HDAC4: variants seen among roughly 807,000 people sequenced by gnomAD.
HDAC4 encodes the protein histone deacetylase A.
In HDAC4, 16 loss-of-function variants were observed where a neutral mutation model predicts 135.1. The ratio of observed to expected loss-of-function variants is 0.12; its 90% CI spans 0.08 to 0.18. HDAC4 has a LOEUF of 0.18. Ranked by LOEUF, HDAC4 falls within the 10% of genes least tolerant of loss-of-function variation. The pLI, the probability that HDAC4 is intolerant of heterozygous loss-of-function variation, is 1.00. For synonymous variants in HDAC4, 685 were observed against 653.4 expected (o/e 1.05, Z -0.74); for missense variants, 1,143 against 1,511.8 (o/e 0.76, Z 4.05).
intron 1 of HDAC4, among the ~76,000 whole-genome samples, chr2:239,391,996 T>C (rs1696252568): frequency 6.6e-6 from 1 of 152,220 alleles, no homozygotes; most frequent in African/African-American, 2.4e-5. Context: ...ACATGGTTGG[T>C]TGTGAACTCC....
chr2:239,096,370 A>ACCG (rs2037042691), intron 16 of HDAC4, among the ~76,000 whole-genome samples: 1 of 80,558 alleles, frequency 1.2e-5, no homozygotes. Context: ...GATGCCTGCA[A>ACCG]CCCCCCCCGA....
At chr2:239,062,982 C>T (rs1366366557) in intron 24 of HDAC4, among the ~76,000 whole-genome samples, 4 of 152,082 alleles carry the variant, frequency 2.6e-5, no homozygotes, top group Non-Finnish European at 4.4e-5. Context: ...CTCCCCTTGG[C>T]GATGCAAGGT....
chr2:239,335,734 T>A (rs1691895893), intron 2 of HDAC4, among the ~76,000 whole-genome samples: 1 of 152,188 alleles, frequency 6.6e-6, no homozygotes, highest in African/African-American at 2.4e-5. Context: ...TATTCAACAT[T>A]TTTAGTAATC....
Position 239,115,115 on chromosome 2 carries a change from G to A in HDAC4, c.1729C>T (p.Pro577Ser), listed in dbSNP as rs2152809416. The change falls in exon 13 of 27, where the codon CCC (proline) becomes TCC (serine). Residue 577 changes from proline to serine, a missense_variant. Around this residue, in one of 9 missense-constraint regions of HDAC4, gnomAD observed 196 missense variants for 210.7 expected, o/e 0.93. Coordinates refer to ENST00000543185, the MANE Select transcript of HDAC4 (RefSeq NM_001378414.1). This position sits in a 1 kb window ranked among gnomAD's most constrained non-coding sequence, Gnocchi z 6.3. ...PIESDEEEAE[P>S]PREVEPGQRQ... ...TGGCCCGGCTCCACCTCCCGTGGGG[G>A]CTCTGCCTCTTCCTCATCGCTCTCA... 1 of 1,611,834 alleles carries A rather than the reference G, an allele frequency of 6.2e-7. No homozygotes were observed.
chr2:239,166,220 G>A (rs759183954), intron 5 of HDAC4, among the ~76,000 whole-genome samples: 2 of 152,116 alleles, frequency 1.3e-5, no homozygotes, highest in Non-Finnish European at 2.9e-5. Context: ...GCAATGAGAC[G>A]CCTGGAAACA....
At chr2:239,066,918 A>G (rs2033568492) in intron 23 of HDAC4, 63 bp from the exon 24 acceptor site, 5 of 1,575,986 alleles carry the variant, frequency 3.2e-6, no homozygotes, top group Non-Finnish European at 4.3e-6. Context: ...CACAGCCCAG[A>G]AACGCGTCTC....
At chr2:239,208,274 CCGAGATCGCGCCA>C (rs1168949162) in intron 3 of HDAC4, among the ~76,000 whole-genome samples, 1 of 142,874 alleles carries the variant, frequency 7.0e-6, no homozygotes, top group Non-Finnish European at 1.5e-5. Flanking sequence ...CTGCAGTGAG[CCGAGATCGCGCCA>C]CTGCACTCCA....
At chr2:239,096,878 G>C (rs1044405302) in intron 16 of HDAC4, among the ~76,000 whole-genome samples, 6 of 152,152 alleles carry the variant, frequency 3.9e-5, no homozygotes, top group Non-Finnish European at 8.8e-5. Flanking sequence ...ATCAAGGCCG[G>C]AGGCTTGTAG....
At chr2:239,373,117 G>A (rs752901322) in intron 1 of HDAC4, among the ~76,000 whole-genome samples, 2 of 152,144 alleles carry the variant, frequency 1.3e-5, no homozygotes, top group Non-Finnish European at 2.9e-5. Flanking sequence ...CCCTGGGAGT[G>A]GGGGCTGAGT....
At chr2:239,119,144 A>G (rs1012695818) in intron 12 of HDAC4, among the ~76,000 whole-genome samples, 6 of 152,166 alleles carry the variant, frequency 3.9e-5, no homozygotes, top group Admixed American at 3.3e-4. Flanking sequence ...GTGCAGTCTG[A>G]TGTGTAACGG....
intron 2 of HDAC4, chr2:239,298,550 G>A (rs1050122391): frequency 2.0e-6 from 2 of 1,022,770 alleles, no homozygotes; most frequent in African/African-American, 1.7e-5. Context: ...AGCCACTGGG[G>A]ATGCAGGTGC....
intron 2 of HDAC4, among the ~76,000 whole-genome samples, chr2:239,274,229 T>C (rs185429335): frequency 5.3e-5 from 8 of 152,336 alleles, no homozygotes; most frequent in African/African-American, 1.9e-4. Context: ...TTATTATTTG[T>C]TGCAAACATA....
chr2:239,124,672 CGGCGTGTGGCCGCGTT>C (rs2039997438), intron 12 of HDAC4, among the ~76,000 whole-genome samples: 5 of 149,634 alleles, frequency 3.3e-5, no homozygotes, highest in East Asian at 2.0e-4. Context: ...TCCGGTGTGC[CGGCGTGTGGCCGCGTT>C]ATATGACATT....
intron 1 of HDAC4, among the ~76,000 whole-genome samples, chr2:239,374,142 G>A (rs567700434): frequency 1.3e-5 from 2 of 152,324 alleles, no homozygotes; most frequent in East Asian, 1.9e-4. Flanking sequence ...AAGCAGAGGC[G>A]ATCAGGCAGC....
Position 239,099,838 on chromosome 2 carries a change from C to T in HDAC4, c.2233+2938G>A, listed in dbSNP as rs150988417. On this transcript the variant is annotated intron_variant, in intron 16 of 26. Coordinates refer to ENST00000543185, the MANE Select transcript of HDAC4 (RefSeq NM_001378414.1). ...CTCTCACAGACCACCCAGTAGAGGCCGGCCTCCATGATGGGCCTCCCAATG... is the reference window on the plus strand; with the variant it reads ...CTCTCACAGACCACCCAGTAGAGGCTGGCCTCCATGATGGGCCTCCCAATG... Among the ~76,000 whole-genome samples, 834 of 152,366 alleles carry T rather than the reference C, an allele frequency of 5.5e-3. 9 individuals are homozygous for T. Among genetic ancestry groups the T allele is most frequent in the African/African-American group, 0.019 (782 of 41,590 alleles).
At chr2:239,373,493 G>T (rs1274547999) in intron 1 of HDAC4, among the ~76,000 whole-genome samples, 1 of 152,106 alleles carries the variant, frequency 6.6e-6, no homozygotes, top group Admixed American at 6.5e-5. Flanking sequence ...TTTTGAGACA[G>T]AGTCTCACTC....
chr2:239,355,160 T>C (rs1693412139), intron 1 of HDAC4, among the ~76,000 whole-genome samples: 1 of 152,260 alleles, frequency 6.6e-6, no homozygotes, highest in Non-Finnish European at 1.5e-5. Context: ...TCTTTTATTT[T>C]GTTCAAAACA....
In HDAC4 at chr2:239,126,503, C is replaced by A; in HGVS notation, c.1486G>T (p.Glu496Ter). 6.2e-7 allele frequency: 1 copy of A among 1,613,612 alleles called. No individual in the cohort carries two copies. ...VIQQQHQQFL[E>*]KHKQQFQQQQ... ...TGCTGGAACTGCTGCTTGTGTTTCT[C>A]CAGAAACTGCTGATGCTGCTGCTGG... Residue 496 changes from glutamate to a stop codon, truncating the protein, a stop_gained, in exon 12 of 27, where the codon GAG becomes TAG. Transcript: ENST00000543185. LOFTEE classifies it high-confidence loss of function.
intron 2 of HDAC4, among the ~76,000 whole-genome samples, chr2:239,330,751 T>G (rs1221191435): frequency 1.3e-5 from 2 of 152,262 alleles, no homozygotes; most frequent in African/African-American, 4.8e-5. Context: ...CTAGACTATC[T>G]GTAATTCAAT....
Sources: gnomAD v4.1 joint callset for allele counts (sites outside exome capture counted in the v4.1 genomes callset) on GRCh38, gnomAD v4.1.1 for gene constraint, gnomAD v4.1.1 regional missense constraint, Gnocchi (gnomAD v3.1) non-coding constraint, MANE v1.5 for transcripts, NCBI Gene and HGNC (gene_info 2026-07-23, HGNC 2026-07-21) for gene names.